FBXW4: variants seen among roughly 807,000 people sequenced by gnomAD.
The protein encoded by FBXW4 is F-box and WD repeat domain containing 4, also known as F-box/WD repeat-containing protein 4.
Under a neutral mutation model 61.8 loss-of-function variants are expected in FBXW4, and 40 were observed. The ratio of observed to expected loss-of-function variants is 0.65; its 90% CI spans 0.50 to 0.84. The LOEUF is 0.84. FBXW4 is among the 40% of genes least tolerant of loss of function. FBXW4 has a pLI of 0.00. For missense variants in FBXW4, 672 were observed against 753.8 expected, an observed-to-expected ratio of 0.89 and a Z score of 1.27; for synonymous variants, 311 against 313.8, an observed-to-expected ratio of 0.99 and a Z score of 0.10.
At chr10:101,658,987 C>G (rs1011184894) in intron 5 of FBXW4, among the ~76,000 whole-genome samples, 1 of 151,960 alleles carries the variant, frequency 6.6e-6, no homozygotes, top group Non-Finnish European at 1.5e-5. Context: ...AGTTTCCGCT[C>G]TACCATCAGG....
chr10:101,648,914 G>A (rs1009990286), intron 5 of FBXW4, among the ~76,000 whole-genome samples: 2 of 152,052 alleles, frequency 1.3e-5, no homozygotes, highest in Non-Finnish European at 2.9e-5. Flanking sequence ...TATCATCAAG[G>A]AATGAGGCTT....
In FBXW4 at chr10:101,694,463, GCCGCAGCCAGCGGCACACCTGGGCCAGGC is replaced by G. The variant is rs2064651010; in HGVS notation, c.614_642del (p.Arg205ProfsTer70). On this transcript the variant is annotated frameshift_variant, in exon 1 of 9. Transcript: ENST00000331272. LOFTEE classifies it high-confidence loss of function. This position sits in a 1 kb window ranked among gnomAD's most constrained non-coding sequence, Gnocchi z 6.0. ...CAGAGCAGATCGCAGCTGGTGAAGC[GCCGCAGCCAGCGGCACACCTGGGCCAGGC>G]GGCCGAGGGCCCGCATGTCCAGGTA... 6.5e-7 allele frequency: 1 copy of G among 1,532,886 alleles called. No homozygotes were observed. Among genetic ancestry groups the G allele is most frequent in the Non-Finnish European group, 8.7e-7 (1 of 1,151,522 alleles). 95.0% of individuals were successfully genotyped at this position (1,532,886 alleles called of 1,614,324 possible). A position where few individuals can be genotyped will look rare whatever the true frequency, so the allele number is the denominator to read the frequency against.
At chr10:101,646,797 T>G (rs1382665600) in intron 5 of FBXW4, among the ~76,000 whole-genome samples, 1 of 152,182 alleles carries the variant, frequency 6.6e-6, no homozygotes, top group East Asian at 1.9e-4. Context: ...TCTGGGGTAT[T>G]TAGTTGGTTT....
At chr10:101,662,078 A>G (rs1255579947) in intron 5 of FBXW4, among the ~76,000 whole-genome samples, 1 of 152,222 alleles carries the variant, frequency 6.6e-6, no homozygotes, top group Non-Finnish European at 1.5e-5. Flanking sequence ...ACTGGCAACC[A>G]AAAGAATCTG....
At chr10:101,663,062 C>T (rs1393745793) in intron 5 of FBXW4, among the ~76,000 whole-genome samples, 1 of 152,194 alleles carries the variant, frequency 6.6e-6, no homozygotes, top group Non-Finnish European at 1.5e-5. Flanking sequence ...GCTTGTCCCT[C>T]AGCACACAGG....
chr10:101,686,789 G>A (rs1358414291), intron 1 of FBXW4, among the ~76,000 whole-genome samples: 4 of 152,054 alleles, frequency 2.6e-5, no homozygotes, highest in South Asian at 2.1e-4. Context: ...TGAACCAGAC[G>A]TCACCCAGCA....
At chr10:101,660,906 T>C (rs2064236321) in intron 5 of FBXW4, among the ~76,000 whole-genome samples, 1 of 152,208 alleles carries the variant, frequency 6.6e-6, no homozygotes, top group Non-Finnish European at 1.5e-5. Context: ...CATCAGACTA[T>C]GCTGTCTAGT....
intron 6 of FBXW4, among the ~76,000 whole-genome samples, chr10:101,614,738 C>T (rs2063813190): frequency 1.3e-5 from 2 of 152,216 alleles, no homozygotes; most frequent in Admixed American, 1.3e-4. Context: ...CCTCAAGGCT[C>T]TGTTGTGTGG....
chr10:101,610,993 TGGGCCTCTCCA>T lies in FBXW4; in HGVS notation c.*287_*297del, dbSNP rs1476236260. On this transcript the variant is annotated 3_prime_UTR_variant, in exon 9 of 9. Coordinates refer to ENST00000331272, the MANE Select transcript of FBXW4 (RefSeq NM_022039.4). ...CATGGCTCTAATAAGGGGTATAGGA[TGGGCCTCTCCA>T]GGCCAGATCCTTGCTCTGGCCAAAC... The T allele has an allele frequency of 3.0e-5, 8 of 269,090 alleles. No individual in the cohort carries two copies. The highest frequency in any genetic ancestry group is 4.4e-5 in the African/African-American group (2 of 45,052). 16.7% of individuals were successfully genotyped at this position (269,090 alleles called of 1,614,324 possible).
At chr10:101,617,809 A>AG (rs1486570325) in intron 6 of FBXW4, among the ~76,000 whole-genome samples, 1 of 152,220 alleles carries the variant, frequency 6.6e-6, no homozygotes, top group Non-Finnish European at 1.5e-5. Flanking sequence ...CAAAGAGTTC[A>AG]GGGGGACAGA....
intron 5 of FBXW4, among the ~76,000 whole-genome samples, chr10:101,651,196 G>T (rs1444659076): frequency 1.3e-5 from 2 of 152,084 alleles, no homozygotes; most frequent in Non-Finnish European, 2.9e-5. Flanking sequence ...TTCCCCCCAG[G>T]CCCCAGCTCT....
chr10:101,649,867 GC>G (rs749032202), intron 5 of FBXW4, among the ~76,000 whole-genome samples: 11 of 152,148 alleles, frequency 7.2e-5, no homozygotes, highest in Non-Finnish European at 1.6e-4. Context: ...CCAGATGATG[GC>G]CCCCAGCCCC....
At chr10:101,637,071 G>A (rs768464022) in intron 5 of FBXW4, among the ~76,000 whole-genome samples, 18 of 151,788 alleles carry the variant, frequency 1.2e-4, no homozygotes, top group East Asian at 3.9e-4. Context: ...GAAAATTTCC[G>A]TTATAAAAAC....
intron 5 of FBXW4, among the ~76,000 whole-genome samples, chr10:101,631,669 CT>C (rs2063958320): frequency 1.3e-5 from 2 of 150,280 alleles, no homozygotes; most frequent in South Asian, 4.2e-4. Flanking sequence ...GCTCTGTCGC[CT>C]AGGCTGGAGT....
intron 5 of FBXW4, among the ~76,000 whole-genome samples, chr10:101,633,650 C>T (rs2063976596): frequency 6.6e-6 from 1 of 152,138 alleles, no homozygotes; most frequent in Admixed American, 6.5e-5. Context: ...ACATAGCACA[C>T]ACCCACGGAT....
chr10:101,655,774 G>A (rs1042168008), intron 5 of FBXW4, among the ~76,000 whole-genome samples: 3 of 152,234 alleles, frequency 2.0e-5, no homozygotes, highest in Admixed American at 6.5e-5. Context: ...TCTCCAGCCC[G>A]GAAGGGCCAT....
intron 5 of FBXW4, chr10:101,626,433 A>T (rs1396505787): frequency 2.6e-5 from 4 of 152,682 alleles, no homozygotes; most frequent in Non-Finnish European, 5.9e-5. Context: ...TCGAGCAGGC[A>T]ATTGGACTCT....
intron 4 of FBXW4, among the ~76,000 whole-genome samples, chr10:101,672,383 A>G (rs2064365906): frequency 6.6e-6 from 1 of 152,194 alleles, no homozygotes; most frequent in Non-Finnish European, 1.5e-5. Context: ...CTTGGTGGAT[A>G]TCTGTGGACC....
At chr10:101,661,374 A>C (rs1455330007) in intron 5 of FBXW4, among the ~76,000 whole-genome samples, 1 of 152,066 alleles carries the variant, frequency 6.6e-6, no homozygotes, top group Non-Finnish European at 1.5e-5. Context: ...ATTGAAACCC[A>C]CCCCTGTGGT....
Sources: allele counts gnomAD v4.1 joint callset (sites outside exome capture counted in the v4.1 genomes callset), GRCh38; gene constraint gnomAD v4.1.1; non-coding constraint Gnocchi (gnomAD v3.1); transcripts MANE v1.5; gene names NCBI Gene and HGNC (gene_info 2026-07-23, HGNC 2026-07-21).